JAKMIP3: variants seen among roughly 807,000 people sequenced by gnomAD.
The protein encoded by JAKMIP3 is Janus kinase and microtubule interacting protein 3, also known as janus kinase and microtubule-interacting protein 3.
Under a neutral mutation model 118.5 loss-of-function variants are expected in JAKMIP3, and 58 were observed. The ratio of observed to expected loss-of-function variants is 0.49; its 90% CI spans 0.40 to 0.61. The LOEUF (loss-of-function observed/expected upper bound fraction) is 0.61. JAKMIP3 is among the 20% of genes least tolerant of loss of function. The probability of loss-of-function intolerance (pLI) is 0.00; values close to 1 mark genes in which losing one functional copy is unlikely to be tolerated. For synonymous variants in JAKMIP3, 486 were observed against 451.2 expected (o/e 1.08, Z -0.98); for missense variants, 950 against 1,109.0 (o/e 0.86, Z 2.04).
intron 2 of JAKMIP3, among the ~76,000 whole-genome samples, chr10:132,111,489 A>G (rs2046870621): frequency 6.6e-6 from 1 of 151,982 alleles, no homozygotes; most frequent in South Asian, 2.1e-4. Context: ...CCTCATGGGG[A>G]GGGTGCAGAA....
intron 23 of JAKMIP3, among the ~76,000 whole-genome samples, chr10:132,170,576 C>T (rs1016684207): frequency 1.3e-5 from 2 of 152,174 alleles, no homozygotes; most frequent in Non-Finnish European, 2.9e-5. Context: ...CATCCATGGA[C>T]GGCATCCCTG....
intron 1 of JAKMIP3, among the ~76,000 whole-genome samples, chr10:132,051,950 C>A (rs1267427828): frequency 6.6e-6 from 1 of 152,240 alleles, no homozygotes; most frequent in African/African-American, 2.4e-5. Context: ...ATTATCCCAG[C>A]CAGGTGTGGT....
intron 1 of JAKMIP3, among the ~76,000 whole-genome samples, chr10:132,098,132 C>T (rs2044284141): frequency 6.6e-6 from 1 of 151,416 alleles, no homozygotes; most frequent in African/African-American, 2.4e-5. Context: ...ACCTCCCAGC[C>T]CCAAGCGATC....
intron 14 of JAKMIP3, among the ~76,000 whole-genome samples, 171 bp from the exon 15 acceptor site, chr10:132,149,241 G>A (rs1467188957): frequency 6.6e-6 from 1 of 152,066 alleles, no homozygotes; most frequent in African/African-American, 2.4e-5. Context: ...GGCAGGTCCA[G>A]GTCCAGTGCA....
chr10:132,149,553 A>ACCCCCCGCCCCCCCCCC, intron 15 of JAKMIP3, 43 bp downstream of exon 15: 1 of 557,790 alleles, frequency 1.8e-6, no homozygotes, highest in Non-Finnish European at 2.4e-6. Flanking sequence ...CACCTCACCC[A>ACCCCCCGCCCCCCCCCC]TCCCCCGCCC....
upstream of JAKMIP3, among the ~76,000 whole-genome samples, chr10:132,065,511 C>T (rs2038653130): frequency 6.6e-6 from 1 of 152,086 alleles, no homozygotes; most frequent in Non-Finnish European, 1.5e-5. This position sits in a 1 kb window ranked among gnomAD's most constrained non-coding sequence, Gnocchi z 5.6. Context: ...CCGGCCAGAA[C>T]GCGGTCCTGG....
chr10:132,101,314 G>T (rs2044868249), intron 1 of JAKMIP3, among the ~76,000 whole-genome samples: 1 of 152,156 alleles, frequency 6.6e-6, no homozygotes, highest in Non-Finnish European at 1.5e-5. Flanking sequence ...TTGCCCCGCT[G>T]CTCTCCAGCC....
chr10:132,088,718 C>G (rs1336498692), intron 1 of JAKMIP3, among the ~76,000 whole-genome samples: 1 of 152,076 alleles, frequency 6.6e-6, no homozygotes, highest in South Asian at 2.1e-4. Flanking sequence ...TTAATTAGAT[C>G]CCATTTGTCA....
chr10:132,164,552 T>A (rs1294928637), intron 20 of JAKMIP3, 118 bp from the exon 21 acceptor site: 1 of 701,518 alleles, frequency 1.4e-6, no homozygotes, highest in Non-Finnish European at 2.5e-6. Flanking sequence ...CCACGGGCCA[T>A]GGCCATGCCA....
Position 132,140,638 on chromosome 10 carries a change from G to A in JAKMIP3, c.1473+59G>A, listed in dbSNP as rs1479708447. On this transcript the variant is annotated intron_variant, in intron 10 of 23. Transcript: ENST00000684848. ...GAGGAGGTAACGAGGGTCTCCTGCC[G>A]GGTCCTGGGCTTGGAGGAGGTAACG... 9.7e-5 allele frequency: 107 copies of A among 1,097,904 alleles called. 10 individuals are homozygous for A. The South Asian group carries it at 1.6e-3, about 16-fold the overall frequency. 68.0% of individuals were successfully genotyped at this position (1,097,904 alleles called of 1,614,324 possible).
At chr10:132,138,095 A>C in intron 8 of JAKMIP3, 24 bp from the exon 9 acceptor site, 3 of 1,608,264 alleles carry the variant, frequency 1.9e-6, no homozygotes, top group Non-Finnish European at 2.5e-6. Flanking sequence ...CCACTTACAC[A>C]ACCTCTTCAA....
At chr10:132,139,986 T>C (rs1466936015) in intron 9 of JAKMIP3, among the ~76,000 whole-genome samples, 3 of 151,932 alleles carry the variant, frequency 2.0e-5, no homozygotes, top group African/African-American at 7.3e-5. Flanking sequence ...ACCTGGAGGG[T>C]CCCCAAAGGC....
At chr10:132,139,396 A>G (rs1189290244) in intron 9 of JAKMIP3, among the ~76,000 whole-genome samples, 2 of 113,996 alleles carry the variant, frequency 1.8e-5, no homozygotes, top group African/African-American at 7.6e-5. Flanking sequence ...GTGTATGAGT[A>G]TGTGAGTGTG....
Position 132,133,469 on chromosome 10 carries a change from G to T in JAKMIP3, c.791G>T (p.Arg264Ile). 6.3e-7 allele frequency: 1 copy of T among 1,584,072 alleles called. No individual in the cohort carries two copies. The highest frequency in any genetic ancestry group is 1.8e-5 in the Admixed American group (1 of 55,468). The change falls in exon 4 of 24, where the codon AGA (arginine) becomes ATA (isoleucine). Residue 264 changes from arginine to isoleucine, a missense_variant. Transcript: ENST00000684848. The part of the protein sequence containing the change: ...READRHPGSP[R>I]RELPHAAGAG... ...GCCGACCGGCACCCGGGCAGCCCCA[G>T]ACGGGAACTTCCTCATGCAGCTGGT...
intron 16 of JAKMIP3, among the ~76,000 whole-genome samples, chr10:132,150,703 CATCT>C (rs1302014627): frequency 6.6e-6 from 1 of 151,858 alleles, no homozygotes; most frequent in African/African-American, 2.4e-5. Flanking sequence ...CTCCATAATC[CATCT>C]ATCCGTCCTC....
intron 1 of JAKMIP3, among the ~76,000 whole-genome samples, chr10:132,067,056 C>T (rs1335437371): frequency 6.6e-6 from 1 of 151,962 alleles, no homozygotes; most frequent in Non-Finnish European, 1.5e-5. Context: ...TGAGCAGGTC[C>T]GTGGTAAAAC....
At position 132,174,408 on chromosome 10, in the gene JAKMIP3, G is replaced by A. The variant is rs148001871; in HGVS notation, c.*1103+5375G>A. ...GGGCTTGGTGGGCTCAATGGCCTCC[G>A]TGGCCTCCGTGGGCTCAGTGGGCTC... On this transcript the variant is annotated intron_variant, in intron 23 of 23. Transcript: ENST00000684848. Among the ~76,000 whole-genome samples the A allele has an allele frequency of 4.3e-3, 651 of 151,848 alleles. 7 individuals are homozygous for A. Among genetic ancestry groups the A allele is most frequent in the African/African-American group, 0.015 (601 of 41,418 alleles).
chr10:132,104,130 A>T (rs969118827), intron 1 of JAKMIP3, among the ~76,000 whole-genome samples: 1 of 147,042 alleles, frequency 6.8e-6, no homozygotes, highest in African/African-American at 2.6e-5. Flanking sequence ...TCATCCATCG[A>T]TGGATGCAGG....
At chr10:132,065,463 TGCAATCTTGAA>T (rs2038647693), upstream of JAKMIP3, among the ~76,000 whole-genome samples, 1 of 151,718 alleles carries the variant, frequency 6.6e-6, no homozygotes, top group Non-Finnish European at 1.5e-5. The surrounding 1 kb of genome is among the most constrained non-coding windows in gnomAD (Gnocchi z 5.6). Flanking sequence ...CCGCTCACTC[TGCAATCTTGAA>T]GGGGGTTCTC....
Sources: gnomAD v4.1 joint callset for allele counts (sites outside exome capture counted in the v4.1 genomes callset) on GRCh38, gnomAD v4.1.1 for gene constraint, Gnocchi (gnomAD v3.1) non-coding constraint, MANE v1.5 for transcripts, NCBI Gene and HGNC (gene_info 2026-07-23, HGNC 2026-07-21) for gene names.